Variants in ANK2 observed in about 807,000 individuals in gnomAD.
The protein encoded by ANK2 is ankyrin 2.
In ANK2, 83 loss-of-function variants were observed where a neutral mutation model predicts 360.5. The ratio of observed to expected loss-of-function variants is 0.23; its 90% confidence interval spans 0.19 to 0.28. The LOEUF (loss-of-function observed/expected upper bound fraction) is 0.28. ANK2 is among the 10% of genes least tolerant of loss of function. ANK2 has a pLI of 1.00. For missense variants in ANK2, 4,201 were observed against 4,795.7 expected (o/e 0.88, Z 3.66); for synonymous variants, 1,740 against 1,759.5 (o/e 0.99, Z 0.28).
At chr4:112,961,060 G>GT (rs61530543) in intron 2 of ANK2, among the ~76,000 whole-genome samples, 20,378 of 139,348 alleles carry the variant, frequency 0.15, 1,453 homozygotes, top group Middle Eastern at 0.17. Flanking sequence ...CTAAATAACT[G>GT]TTTTTTTTTT....
the ANK2 span, chr4:112,788,361 G>A: frequency 1.6e-5 from 25 of 1,550,648 alleles, no homozygotes; most frequent in Middle Eastern, 2.3e-4. Flanking sequence ...ACCATTTTAC[G>A]ACATAGGGCA....
At chr4:113,329,887 T>C (rs965945691) in intron 26 of ANK2, among the ~76,000 whole-genome samples, 6 of 152,204 alleles carry the variant, frequency 3.9e-5, no homozygotes, top group African/African-American at 1.4e-4. Context: ...CAGAAGTCTT[T>C]CCATTTATAA....
chr4:112,838,977 C>T (rs919993960), intron 1 of ANK2, among the ~76,000 whole-genome samples: 1 of 152,194 alleles, frequency 6.6e-6, no homozygotes, highest in Non-Finnish European at 1.5e-5. Context: ...TCAACTTTCC[C>T]CTATCAAATA....
Position 113,356,784 on chromosome 4 carries a change from G to A in ANK2, c.8166G>A (p.Met2722Ile), listed in dbSNP as rs193922637. Reference protein sequence around the residue: ...PVVSKQYTFKMNEDTQEEPGK... With the variant: ...PVVSKQYTFKINEDTQEEPGK... ...TTTCCAAACAATATACTTTCAAGAT[G>A]AATGAAGATACTCAGGAAGAGCCAG... The change falls in exon 38 of 46, where the codon ATG becomes ATA. Residue 2722 changes from methionine to isoleucine, a missense_variant. Physicochemically the swap from Met to Ile is conservative, Grantham distance 10. Coordinates refer to ENST00000357077, the MANE Select transcript of ANK2 (RefSeq NM_001148.6). 188 of 1,613,948 alleles carry A rather than the reference G, an allele frequency of 1.2e-4. No individual in the cohort carries two copies. Among genetic ancestry groups the A allele is most frequent in the Non-Finnish European group, 1.6e-4 (184 of 1,179,990 alleles).
chr4:113,284,128 A>G (rs1402169858), intron 18 of ANK2, among the ~76,000 whole-genome samples: 1 of 152,212 alleles, frequency 6.6e-6, no homozygotes, highest in African/African-American at 2.4e-5. Context: ...TCCAAAGGAT[A>G]GTTGCATTTT....
chr4:112,740,150 G>GA, the ANK2 span, among the ~76,000 whole-genome samples: 140 of 146,296 alleles, frequency 9.6e-4, no homozygotes, highest in Middle Eastern at 0.014. Context: ...TTCTGATGAG[G>GA]AAAAAAAAAA....
chr4:112,896,475 A>G (rs1473470251), intron 1 of ANK2, among the ~76,000 whole-genome samples: 1 of 152,242 alleles, frequency 6.6e-6, no homozygotes, highest in African/African-American at 2.4e-5. Context: ...TACCAGAACA[A>G]AAAGAGAAGG....
At chr4:112,799,602 C>T in the ANK2 span, among the ~76,000 whole-genome samples, 1,405 of 152,008 alleles carry the variant, frequency 9.2e-3, 11 homozygotes, top group Non-Finnish European at 0.015. Context: ...CTGCAACCTC[C>T]GCTTCCTGTA....
At chr4:112,806,155 TTC>T in the ANK2 span, among the ~76,000 whole-genome samples, 2 of 152,174 alleles carry the variant, frequency 1.3e-5, no homozygotes, top group Non-Finnish European at 2.9e-5. Context: ...CTAGATCTTA[TTC>T]TCTCTAAATA....
chr4:113,373,518 T>G, intron 45 of ANK2, 69 bp downstream of exon 45: 1 of 1,285,038 alleles, frequency 7.8e-7, no homozygotes, highest in Non-Finnish European at 1.1e-6. Flanking sequence ...GAAAGATGAG[T>G]GAGATTGTTT....
intron 2 of ANK2, among the ~76,000 whole-genome samples, chr4:112,939,610 C>T (rs776732621): frequency 2.0e-5 from 3 of 152,190 alleles, no homozygotes; most frequent in South Asian, 2.1e-4. Context: ...CCACCATGCC[C>T]GGCCAGTTCA....
At chr4:112,884,171 A>G (rs1416037975) in intron 1 of ANK2, among the ~76,000 whole-genome samples, 1 of 152,148 alleles carries the variant, frequency 6.6e-6, no homozygotes, top group Non-Finnish European at 1.5e-5. Flanking sequence ...TGTATCTTTA[A>G]AATTTTTCTG....
chr4:112,973,528 T>TTA (rs2154267426), intron 2 of ANK2, among the ~76,000 whole-genome samples: 1 of 152,346 alleles, frequency 6.6e-6, no homozygotes, highest in African/African-American at 2.4e-5. Context: ...TCAGTTGCAT[T>TTA]GCTTTTGATA....
the ANK2 span, among the ~76,000 whole-genome samples, chr4:112,734,339 T>C: frequency 6.6e-6 from 1 of 152,210 alleles, no homozygotes; most frequent in Non-Finnish European, 1.5e-5. Flanking sequence ...GTGCTGAAAA[T>C]ATTATCTTTA....
chr4:113,285,886 TAACAA>T (rs1444856693), intron 18 of ANK2, among the ~76,000 whole-genome samples: 4 of 152,202 alleles, frequency 2.6e-5, no homozygotes, highest in African/African-American at 4.8e-5. Flanking sequence ...CACAACGTTA[TAACAA>T]AAGACTGTAA....
At chr4:112,831,184 G>T (rs1054292017) in intron 1 of ANK2, among the ~76,000 whole-genome samples, 1 of 152,260 alleles carries the variant, frequency 6.6e-6, no homozygotes, top group African/African-American at 2.4e-5. Context: ...AAGGGCTGAG[G>T]AGTGCGGGCA....
the ANK2 span, among the ~76,000 whole-genome samples, chr4:112,763,568 T>A: frequency 6.7e-6 from 1 of 148,450 alleles, no homozygotes; most frequent in African/African-American, 2.5e-5. Flanking sequence ...AGTCTCGCTC[T>A]GTTGCCCAGG....
chr4:113,142,172 G>A (rs150706399), intron 1 of ANK2, among the ~76,000 whole-genome samples: 2 of 152,160 alleles, frequency 1.3e-5, no homozygotes, highest in African/African-American at 4.8e-5. Flanking sequence ...TCTACTGGCA[G>A]ATTATTAAAG....
In ANK2 at chr4:113,106,179, T is replaced by G. The variant is rs1167108704; in HGVS notation, c.84+56367T>G. ...TAAACACAAAAATATACACAGCAAA[T>G]GTTAAAGTAGCCCTCTAAACCTTAT... is the stretch of plus-strand genomic sequence containing the variant. On this transcript the variant is annotated intron_variant, in intron 1 of 45. Coordinates refer to ENST00000357077, the MANE Select transcript of ANK2 (RefSeq NM_001148.6). Among the ~76,000 whole-genome samples, 14 of 152,312 alleles carry G rather than the reference T, an allele frequency of 9.2e-5. No individual in the cohort carries two copies. The East Asian group carries it at 2.7e-3, about 29-fold the overall frequency.
Sources: gnomAD v4.1 joint callset for allele counts (sites outside exome capture counted in the v4.1 genomes callset) on GRCh38, gnomAD v4.1.1 for gene constraint, MANE v1.5 for transcripts, NCBI Gene and HGNC (gene_info 2026-07-23, HGNC 2026-07-21) for gene names.